SYN2: variants seen among roughly 807,000 people sequenced by gnomAD.
SYN2 encodes synapsin-2.
A neutral mutation model predicts 50.9 loss-of-function variants in SYN2; 19 were observed. The ratio of observed to expected loss-of-function variants is 0.37; its 90% CI spans 0.26 to 0.55. SYN2 has a LOEUF of 0.55. Among genes scored for constraint, SYN2 ranks in the 20% least tolerant of loss-of-function variants. The pLI, the probability that SYN2 is intolerant of heterozygous loss-of-function variation, is 0.81. For missense variants in SYN2, 587 were observed against 576.4 expected (o/e 1.02, Z -0.19); for synonymous variants, 255 against 224.9 (o/e 1.13, Z -1.20).
chr3:12,059,149 C>T (rs1322687827), intron 1 of SYN2, among the ~76,000 whole-genome samples: 1 of 152,142 alleles, frequency 6.6e-6, no homozygotes, highest in Admixed American at 6.5e-5. Flanking sequence ...TGCAAGGCAC[C>T]AAGCAAGGAG....
rs192823559 is a variant in SYN2 at position 12,033,146 on chromosome 3, G to A, written c.377+28218G>A. ...TCTGTTGGAATACCGTGCCGTGTGA[G>A]GTGTCAGTGTGCCCCTGCTGGGGGG... is the stretch of plus-strand genomic sequence containing the variant. On this transcript the variant is annotated intron_variant, in intron 1 of 12. Transcript: ENST00000621198. Among the ~76,000 whole-genome samples the A allele has an allele frequency of 2.6e-3, 399 of 152,012 alleles. 4 individuals are homozygous for A. Among genetic ancestry groups the A allele is most frequent in the Non-Finnish European group, 2.4e-3 (161 of 68,000 alleles).
chr3:12,044,201 A>T (rs199524461), intron 1 of SYN2, among the ~76,000 whole-genome samples: 4 of 150,224 alleles, frequency 2.7e-5, no homozygotes, highest in Admixed American at 6.7e-5. Flanking sequence ...ACACACACAC[A>T]CACACACACA....
At chr3:12,021,029 G>T (rs866751971) in intron 1 of SYN2, among the ~76,000 whole-genome samples, 1 of 151,972 alleles carries the variant, frequency 6.6e-6, no homozygotes, top group Non-Finnish European at 1.5e-5. Flanking sequence ...TTACATAATT[G>T]TGGTTGTACT....
chr3:12,008,123 C>T (rs970263960), intron 1 of SYN2, among the ~76,000 whole-genome samples: 10 of 152,136 alleles, frequency 6.6e-5, no homozygotes, highest in African/African-American at 2.2e-4. Flanking sequence ...TATGTTGTTT[C>T]TTCTGTGTGT....
intron 7 of SYN2, among the ~76,000 whole-genome samples, chr3:12,164,737 A>G (rs1006953258): frequency 1.5e-4 from 23 of 152,178 alleles, no homozygotes; most frequent in African/African-American, 3.9e-4. Flanking sequence ...GTATGGATCT[A>G]TGCCCTGCAT....
chr3:12,100,929 A>T (rs980140614), intron 1 of SYN2, among the ~76,000 whole-genome samples: 14 of 152,174 alleles, frequency 9.2e-5, no homozygotes, highest in African/African-American at 3.4e-4. Context: ...CCACTACGAG[A>T]TACTATTTCA....
chr3:12,171,007 C>CT (rs1215170444), intron 10 of SYN2, among the ~76,000 whole-genome samples: 1 of 152,166 alleles, frequency 6.6e-6, no homozygotes, highest in Non-Finnish European at 1.5e-5. Flanking sequence ...CTGAAAATTT[C>CT]TTTGAGTAGA....
intron 1 of SYN2, among the ~76,000 whole-genome samples, chr3:12,112,505 T>C (rs1696344275): frequency 6.6e-5 from 10 of 152,120 alleles, no homozygotes; most frequent in Admixed American, 6.5e-4. Flanking sequence ...GCAGTGGAGT[T>C]ACAAGTCTGT....
At chr3:12,156,797 C>T in intron 5 of SYN2, 2 of 1,583,654 alleles carry the variant, frequency 1.3e-6, no homozygotes, top group Non-Finnish European at 1.7e-6. Context: ...ATATTAAGGC[C>T]AGTTGTTGGT....
At chr3:12,048,689 T>C (rs1694792698) in intron 1 of SYN2, among the ~76,000 whole-genome samples, 1 of 152,182 alleles carries the variant, frequency 6.6e-6, no homozygotes, top group African/African-American at 2.4e-5. Flanking sequence ...TAATATAGTA[T>C]CTCATTTCAT....
chr3:12,110,163 G>A (rs1431348494), intron 1 of SYN2, among the ~76,000 whole-genome samples: 4 of 152,114 alleles, frequency 2.6e-5, no homozygotes, highest in Admixed American at 6.5e-5. Context: ...ATTCCATCCT[G>A]GGCAACAGAG....
intron 1 of SYN2, among the ~76,000 whole-genome samples, chr3:12,105,299 AT>A (rs1246657888): frequency 2.0e-5 from 3 of 151,954 alleles, no homozygotes; most frequent in African/African-American, 7.2e-5. Flanking sequence ...TGCTGAACTC[AT>A]TTTTGGCCTT....
intron 1 of SYN2, among the ~76,000 whole-genome samples, chr3:12,076,040 G>A (rs1291761548): frequency 5.9e-5 from 9 of 152,092 alleles, no homozygotes; most frequent in Admixed American, 5.2e-4. Context: ...AGAATATTGA[G>A]GTGCCTTTAC....
At chr3:12,068,580 T>C (rs1030175396) in intron 1 of SYN2, among the ~76,000 whole-genome samples, 5 of 152,240 alleles carry the variant, frequency 3.3e-5, no homozygotes, top group Non-Finnish European at 1.5e-5. Context: ...TGATTTCCAA[T>C]CCATATTTTT....
chr3:12,142,944 A>G (rs1308195323), intron 3 of SYN2, among the ~76,000 whole-genome samples: 5 of 152,232 alleles, frequency 3.3e-5, no homozygotes, highest in Non-Finnish European at 7.3e-5. Flanking sequence ...CTGAAGATCA[A>G]GAAAGAAGAC....
In SYN2 at chr3:12,051,323, C is replaced by CT. The variant is rs1366208493; in HGVS notation, c.377+46405dup. 4.3e-3 allele frequency among the ~76,000 whole-genome samples: 636 copies of CT among 147,784 alleles called. 4 individuals are homozygous for CT. Among genetic ancestry groups the CT allele is most frequent in the Middle Eastern group, 0.014 (4 of 290 alleles). On this transcript the variant is annotated intron_variant, in intron 1 of 12. Transcript: ENST00000621198. ...TCAATTTCTTCAAGTTCCCTGGTGG[C>CT]TTTTTTTTTTGAAATGTAAAGCAGA...
chr3:12,172,746 G>A (rs1018401529), intron 10 of SYN2, among the ~76,000 whole-genome samples: 2 of 152,190 alleles, frequency 1.3e-5, no homozygotes, highest in African/African-American at 4.8e-5. Flanking sequence ...CATGTGGCCT[G>A]AGGGGCCCAC....
In SYN2 at chr3:12,190,631, C is replaced by T. The variant is rs774395721; in HGVS notation, c.*6C>T. On this transcript the variant is annotated 3_prime_UTR_variant, in exon 13 of 13. Transcript: ENST00000621198. ...CCAGCCTCTTTTCAGATTAGCTCTT[C>T]AGACACACGGGGCACCCAGCCCAAC... 3.1e-6 allele frequency: 5 copies of T among 1,611,164 alleles called. No homozygotes were observed. The South Asian group carries it at 5.5e-5, about 18-fold the overall frequency.
chr3:12,161,190 C>T (rs754792505), intron 5 of SYN2, among the ~76,000 whole-genome samples: 25 of 152,216 alleles, frequency 1.6e-4, no homozygotes, highest in Non-Finnish European at 3.5e-4. Context: ...TAAAGTACAT[C>T]TACATATAGT....
Sources: allele counts gnomAD v4.1 joint callset (sites outside exome capture counted in the v4.1 genomes callset), GRCh38; gene constraint gnomAD v4.1.1; transcripts MANE v1.5; gene names NCBI Gene and HGNC (gene_info 2026-07-23, HGNC 2026-07-21).